Variants in CLPB observed in about 807,000 individuals in gnomAD.
CLPB encodes the protein mitochondrial disaggregase.
CLPB carries 40 observed loss-of-function variants against 78.4 expected under a neutral mutation model. The ratio of observed to expected loss-of-function variants is 0.51; its 90% CI spans 0.40 to 0.66. The LOEUF is 0.66. Among genes scored for constraint, CLPB ranks in the 30% least tolerant of loss-of-function variants. CLPB has a pLI of 0.00. For synonymous variants in CLPB, 333 were observed against 348.0 expected, an observed-to-expected ratio of 0.96 and a Z score of 0.48; for missense variants, 780 against 886.9, an observed-to-expected ratio of 0.88 and a Z score of 1.53.
At chr11:72,429,632 C>T (rs1392242131) in intron 2 of CLPB, among the ~76,000 whole-genome samples, 2 of 152,352 alleles carry the variant, frequency 1.3e-5, no homozygotes, top group Admixed American at 1.3e-4. Flanking sequence ...CTGCCCTTAA[C>T]CAACAGCCCT....
At position 72,291,713 on chromosome 11, in the gene CLPB, C is replaced by T. The variant is rs1352890988; in HGVS notation, c.*1654G>A. ...TTTTCTACTATTTCTGCAACTTTCT[C>T]TAAGTCTAAAATTATTTCAAAACAA... On this transcript the variant is annotated 3_prime_UTR_variant, in exon 16 of 16. Transcript: ENST00000538039. 6.6e-6 allele frequency: 1 copy of T among 151,928 alleles called. No individual in the cohort carries two copies. Among genetic ancestry groups the T allele is most frequent in the African/African-American group, 2.4e-5 (1 of 41,350 alleles). The allele number at this position is 151,928 out of a possible 1,614,324, so 9.4% of individuals were successfully genotyped here. A position where few individuals can be genotyped will look rare whatever the true frequency, so the allele number is the denominator to read the frequency against.
intron 2 of CLPB, among the ~76,000 whole-genome samples, chr11:72,416,422 C>A (rs1856023620): frequency 6.6e-6 from 1 of 152,102 alleles, no homozygotes; most frequent in Non-Finnish European, 1.5e-5. Context: ...TTGCTCATAA[C>A]AGGCCTTAAG....
chr11:72,400,448 CA>C (rs1341947425), intron 3 of CLPB, among the ~76,000 whole-genome samples: 1 of 152,216 alleles, frequency 6.6e-6, no homozygotes, highest in Non-Finnish European at 1.5e-5. Flanking sequence ...GTTAAGCCAA[CA>C]ACTCATTAGA....
At chr11:72,302,438 G>A in intron 9 of CLPB, 90 bp from the exon 10 acceptor site, 1 of 1,067,412 alleles carries the variant, frequency 9.4e-7, no homozygotes, top group Non-Finnish European at 1.5e-6. Context: ...CTATCCCCAA[G>A]GCTTTCACAC....
intron 4 of CLPB, among the ~76,000 whole-genome samples, chr11:72,366,751 G>T (rs1467157919): frequency 6.6e-6 from 1 of 152,140 alleles, no homozygotes; most frequent in Non-Finnish European, 1.5e-5. Context: ...AGGCTGTAGA[G>T]AAAAGAGAAT....
At chr11:72,342,499 C>T (rs1281287286) in intron 5 of CLPB, among the ~76,000 whole-genome samples, 1 of 152,160 alleles carries the variant, frequency 6.6e-6, no homozygotes, top group Non-Finnish European at 1.5e-5. Context: ...TCACGACTTT[C>T]CTGGAAGTCG....
intron 4 of CLPB, among the ~76,000 whole-genome samples, chr11:72,371,561 A>G (rs1227727859): frequency 6.7e-6 from 1 of 150,316 alleles, no homozygotes; most frequent in Non-Finnish European, 1.5e-5. Context: ...AATAAAATAA[A>G]ATAAAATAAA....
intron 6 of CLPB, among the ~76,000 whole-genome samples, chr11:72,322,239 A>G (rs1477279783): frequency 6.6e-6 from 1 of 152,170 alleles, no homozygotes; most frequent in Non-Finnish European, 1.5e-5. Context: ...CCTCTCTTCC[A>G]GTCCATCCTC....
At chr11:72,301,222 G>A (rs866593651) in intron 11 of CLPB, among the ~76,000 whole-genome samples, 4 of 152,280 alleles carry the variant, frequency 2.6e-5, no homozygotes, top group Admixed American at 6.5e-5. Context: ...TTACCCCTAC[G>A]AGCAGGGGAA....
intron 2 of CLPB, among the ~76,000 whole-genome samples, chr11:72,427,819 T>C (rs781025926): frequency 2.0e-5 from 3 of 152,174 alleles, no homozygotes; most frequent in Non-Finnish European, 4.4e-5. Context: ...CATGACTGTA[T>C]GTGTAAATTC....
chr11:72,397,941 G>A (rs914020699), intron 3 of CLPB, among the ~76,000 whole-genome samples: 3 of 152,144 alleles, frequency 2.0e-5, no homozygotes, highest in African/African-American at 4.8e-5. Context: ...TACTTAAACC[G>A]TGCTAAAACT....
At chr11:72,405,713 G>C (rs1484597049) in intron 2 of CLPB, among the ~76,000 whole-genome samples, 1 of 152,144 alleles carries the variant, frequency 6.6e-6, no homozygotes, top group Non-Finnish European at 1.5e-5. Flanking sequence ...TGGATCACGA[G>C]GTCAGGAGAT....
At chr11:72,294,787 G>T in intron 12 of CLPB, 94 bp from the exon 13 acceptor site, 2 of 1,033,926 alleles carry the variant, frequency 1.9e-6, no homozygotes, top group Non-Finnish European at 3.0e-6. Flanking sequence ...AAGAGCCCTG[G>T]TCCTGTCCAT....
In CLPB at chr11:72,286,233, T is replaced by TGTTTTTTTTTG. The variant is rs1033033544; in HGVS notation, c.*7133_*7134insCAAAAAAAAAC. On this transcript the variant is annotated 3_prime_UTR_variant, in exon 16 of 16. Coordinates refer to ENST00000538039, the MANE Select transcript of CLPB (RefSeq NM_001258392.3). The stretch of plus-strand genomic sequence containing the variant: ...TGAGATACTGCACCTGTTTTTTTTT[T>TGTTTTTTTTTG]TTTTTTTTTTTTTAAGAGATAGGGT... 2 of 135,216 alleles carry TGTTTTTTTTTG rather than the reference T, an allele frequency of 1.5e-5. No individual in the cohort carries two copies. The highest frequency in any genetic ancestry group is 4.0e-4 in the East Asian group (2 of 4,962). The allele number at this position is 135,216 out of a possible 1,614,324, so 8.4% of individuals were successfully genotyped here.
chr11:72,328,127 A>C (rs1038340777), intron 6 of CLPB, among the ~76,000 whole-genome samples: 2 of 152,130 alleles, frequency 1.3e-5, no homozygotes, highest in African/African-American at 2.4e-5. Context: ...GTGGAAGAAA[A>C]GGATCCTCCT....
intron 2 of CLPB, among the ~76,000 whole-genome samples, chr11:72,413,826 T>C (rs1322283473): frequency 6.6e-6 from 1 of 152,234 alleles, no homozygotes; most frequent in African/African-American, 2.4e-5. Flanking sequence ...CTACTTATTA[T>C]GCATCCATTC....
intron 5 of CLPB, 24 bp downstream of exon 5, chr11:72,358,856 C>T: frequency 7.2e-7 from 1 of 1,396,352 alleles, no homozygotes; most frequent in Non-Finnish European, 9.7e-7. Flanking sequence ...CCCCACCCCA[C>T]CCCTCCTCCA....
At chr11:72,369,194 G>C (rs1444056102) in intron 4 of CLPB, among the ~76,000 whole-genome samples, 1 of 152,142 alleles carries the variant, frequency 6.6e-6, no homozygotes, top group Non-Finnish European at 1.5e-5. Context: ...GACCCAGGGG[G>C]TGCTTTCCAG....
At chr11:72,426,672 A>G (rs923762726) in intron 2 of CLPB, among the ~76,000 whole-genome samples, 4 of 152,206 alleles carry the variant, frequency 2.6e-5, no homozygotes, top group African/African-American at 4.8e-5. Context: ...AATAAAAAGC[A>G]AAGAAAGAGT....
Sources: gnomAD v4.1 joint callset for allele counts (sites outside exome capture counted in the v4.1 genomes callset) on GRCh38, gnomAD v4.1.1 for gene constraint, MANE v1.5 for transcripts, NCBI Gene and HGNC (gene_info 2026-07-23, HGNC 2026-07-21) for gene names.